The following SLC23A2 variants were observed in gnomAD, a reference collection of about 807,000 sequenced individuals.
SLC23A2 encodes the protein Na(+)/L-ascorbic acid transporter 2.
In SLC23A2, 36 loss-of-function variants were observed where a neutral mutation model predicts 73.3. The observed-to-expected ratio is 0.49, with a 90% CI of 0.38 to 0.65. SLC23A2 has a LOEUF of 0.65. Among genes scored for constraint, SLC23A2 ranks in the 30% least tolerant of loss-of-function variants. SLC23A2 has a pLI of 0.00. For synonymous variants in SLC23A2, 343 were observed against 327.3 expected, an observed-to-expected ratio of 1.05 and a Z score of -0.52; for missense variants, 507 against 841.6, an observed-to-expected ratio of 0.60 and a Z score of 4.92.
At chr20:5,005,788 G>A (rs1299667383), upstream of SLC23A2, among the ~76,000 whole-genome samples, 1 of 152,126 alleles carries the variant, frequency 6.6e-6, no homozygotes, top group Non-Finnish European at 1.5e-5. Context: ...AGGAGTTCGA[G>A]ACCAGCCTGA....
chr20:4,927,005 TGCCTTAACA>T lies in SLC23A2; in HGVS notation c.108+5441_108+5449del, dbSNP rs958249715. Among the ~76,000 whole-genome samples the T allele has an allele frequency of 2.6e-5, 4 of 151,976 alleles. No homozygotes were observed. In the South Asian group the frequency reaches 6.2e-4, roughly 24 times the overall value. Reference sequence around the variant, plus strand: ...GCACTCCAGCACACCTTTCTCTAGATGCCTTAACAGCTGACAGCCTAAAGCCCAGCTTTG... The same window carrying T: ...GCACTCCAGCACACCTTTCTCTAGATGCTGACAGCCTAAAGCCCAGCTTTG... On this transcript the variant is annotated intron_variant, in intron 3 of 16. Coordinates refer to ENST00000338244, the MANE Select transcript of SLC23A2 (RefSeq NM_005116.6).
chr20:4,968,665 G>T lies in SLC23A2; in HGVS notation c.-155+2128C>A, dbSNP rs552949170. Among the ~76,000 whole-genome samples, 4 of 151,886 alleles carry T rather than the reference G, an allele frequency of 2.6e-5. No homozygotes were observed. In the South Asian group the frequency reaches 8.3e-4, roughly 32 times the overall value. On this transcript the variant is annotated intron_variant, in intron 2 of 16. Transcript: ENST00000338244. ...AAGAGCCAGGTGTCCTCTTCCTTCAGAACTAAGAAAACAGGCTTGACAAGG... is the reference window on the plus strand; with the variant it reads ...AAGAGCCAGGTGTCCTCTTCCTTCATAACTAAGAAAACAGGCTTGACAAGG...
intron 2 of SLC23A2, among the ~76,000 whole-genome samples, chr20:4,946,512 T>C (rs564883849): frequency 6.6e-6 from 1 of 152,324 alleles, no homozygotes; most frequent in African/African-American, 2.4e-5. Flanking sequence ...AAATAGTTTA[T>C]GGCACATAAA....
intron 1 of SLC23A2, among the ~76,000 whole-genome samples, chr20:4,980,824 G>A (rs938230522): frequency 5.3e-5 from 8 of 152,036 alleles, no homozygotes; most frequent in African/African-American, 1.7e-4. Context: ...GAGCCACCGC[G>A]CCCAGCCACA....
intron 1 of SLC23A2, among the ~76,000 whole-genome samples, chr20:4,996,199 T>C (rs188860355): frequency 3.3e-4 from 50 of 152,274 alleles, no homozygotes; most frequent in African/African-American, 1.2e-3. Context: ...TCCCTTCTAT[T>C]GCTTGGAGAG....
At chr20:4,869,834 G>T in intron 12 of SLC23A2, 72 bp downstream of exon 12, 1 of 1,405,552 alleles carries the variant, frequency 7.1e-7, no homozygotes, top group Non-Finnish European at 9.8e-7. Context: ...TTGTCTTCAA[G>T]GTAATGTAAA....
intron 9 of SLC23A2, among the ~76,000 whole-genome samples, chr20:4,877,094 T>C (rs537091168): frequency 2.6e-5 from 4 of 152,228 alleles, no homozygotes; most frequent in East Asian, 1.9e-4. Flanking sequence ...CACACCAACA[T>C]GGCACATGTA....
At chr20:4,975,537 CG>C (rs1367328381) in intron 1 of SLC23A2, among the ~76,000 whole-genome samples, 3 of 151,292 alleles carry the variant, frequency 2.0e-5, no homozygotes, top group Non-Finnish European at 3.0e-5. Context: ...CGCACCACCA[CG>C]CCTGGCTAAT....
intron 2 of SLC23A2, among the ~76,000 whole-genome samples, chr20:4,940,270 A>G (rs564653728): frequency 6.6e-6 from 1 of 152,118 alleles, no homozygotes; most frequent in South Asian, 2.1e-4. Flanking sequence ...AGCCAAGATC[A>G]TGCCGCTTCA....
intron 3 of SLC23A2, among the ~76,000 whole-genome samples, chr20:4,921,601 C>CA (rs1568625291): frequency 2.8e-4 from 38 of 133,632 alleles, no homozygotes; most frequent in African/African-American, 1.0e-3. Flanking sequence ...ACAATCACAA[C>CA]CAAAAAAAAA....
At chr20:4,993,484 T>C (rs988880352) in intron 1 of SLC23A2, among the ~76,000 whole-genome samples, 1 of 149,238 alleles carries the variant, frequency 6.7e-6, no homozygotes, top group African/African-American at 2.5e-5. Flanking sequence ...AGAAGGTATA[T>C]TCAACCTGTA....
chr20:4,884,792 C>G lies in SLC23A2; in HGVS notation c.603G>C (p.Leu201=), dbSNP rs1216304177. Residue 201 remains leucine (L), a synonymous_variant, in exon 8 of 17, where the codon CTG becomes CTC. Coordinates refer to ENST00000338244, the MANE Select transcript of SLC23A2 (RefSeq NM_005116.6). ...DVSVANGTAE[L]LHTEHIWYPR... Reference sequence around the variant, plus strand: ...GATACCAGATGTGTTCTGTGTGCAACAGCTCTGCTGTTCCATTGGCAACTG... The same window carrying G: ...GATACCAGATGTGTTCTGTGTGCAAGAGCTCTGCTGTTCCATTGGCAACTG... 3 of 1,588,764 alleles carry G rather than the reference C, an allele frequency of 1.9e-6. No homozygotes were observed. Among genetic ancestry groups the G allele is most frequent in the Non-Finnish European group, 2.6e-6 (3 of 1,172,708 alleles).
Position 4,899,752 on chromosome 20 carries a change from C to T in SLC23A2, c.325-40G>A. 9 of 1,589,672 alleles carry T rather than the reference C, an allele frequency of 5.7e-6. No individual in the cohort carries two copies. The highest frequency in any genetic ancestry group is 7.8e-6 in the Non-Finnish European group (9 of 1,160,218). ...AGGGTCAGAGGAGAAACAGTAAACCCTTCCTCATTTATTCTTGATTTCATC... is the reference window on the plus strand; with the variant it reads ...AGGGTCAGAGGAGAAACAGTAAACCTTTCCTCATTTATTCTTGATTTCATC... On this transcript the variant is annotated intron_variant, in intron 5 of 16. Coordinates refer to ENST00000338244, the MANE Select transcript of SLC23A2 (RefSeq NM_005116.6). This position sits in a 1 kb window ranked among gnomAD's most constrained non-coding sequence, Gnocchi z 4.9.
At chr20:5,006,699 C>A (rs1017014126) in intron 1 of SLC23A2, among the ~76,000 whole-genome samples, 2 of 151,838 alleles carry the variant, frequency 1.3e-5, no homozygotes, top group African/African-American at 4.8e-5. Flanking sequence ...TGCCACCACC[C>A]CCCACTAATT....
intron 1 of SLC23A2, among the ~76,000 whole-genome samples, chr20:4,973,952 G>T (rs2087604371): frequency 6.6e-6 from 1 of 152,044 alleles, no homozygotes; most frequent in Admixed American, 6.6e-5. Flanking sequence ...AAAAAACTGG[G>T]GAAGAAATAC....
intron 6 of SLC23A2, among the ~76,000 whole-genome samples, chr20:4,896,183 G>A (rs924973495): frequency 1.3e-5 from 2 of 152,146 alleles, no homozygotes; most frequent in African/African-American, 2.4e-5. Flanking sequence ...CCAGTCAAGG[G>A]GGGAACCAGC....
intron 3 of SLC23A2, among the ~76,000 whole-genome samples, chr20:4,922,583 T>C (rs1046446519): frequency 2.6e-5 from 4 of 152,160 alleles, no homozygotes; most frequent in African/African-American, 9.6e-5. Flanking sequence ...TCCCAGCACT[T>C]TGGGAGGCCG....
intron 4 of SLC23A2, among the ~76,000 whole-genome samples, chr20:4,908,814 GC>G (rs1932045732): frequency 6.6e-6 from 1 of 152,202 alleles, no homozygotes; most frequent in South Asian, 2.1e-4. Flanking sequence ...TGTGATCCCA[GC>G]TACTTGGGAG....
upstream of SLC23A2, among the ~76,000 whole-genome samples, chr20:5,006,488 G>C (rs1431340646): frequency 2.0e-5 from 3 of 152,000 alleles, no homozygotes; most frequent in African/African-American, 7.2e-5. Context: ...CTTACTTGGG[G>C]TTCAAAGTTA....
Sources: allele counts gnomAD v4.1 joint callset (sites outside exome capture counted in the v4.1 genomes callset), GRCh38; gene constraint gnomAD v4.1.1; non-coding constraint Gnocchi (gnomAD v3.1); transcripts MANE v1.5; gene names NCBI Gene and HGNC (gene_info 2026-07-23, HGNC 2026-07-21).